MTSS1: variants seen among roughly 807,000 people sequenced by gnomAD.
MTSS1 encodes the protein MTSS I-BAR domain containing 1.
Under a neutral mutation model 79.0 loss-of-function variants are expected in MTSS1, and 18 were observed. That is an observed-to-expected ratio of 0.23 (90% CI 0.16 to 0.34). The LOEUF is 0.34. Among genes scored for constraint, MTSS1 ranks in the 10% least tolerant of loss-of-function variants. MTSS1 has a pLI of 1.00. For missense variants in MTSS1, 815 were observed against 986.2 expected (o/e 0.83, Z 2.33); for synonymous variants, 341 against 368.6 (o/e 0.93, Z 0.86).
At chr8:124,612,805 C>T (rs1373930822) in intron 3 of MTSS1, among the ~76,000 whole-genome samples, 5 of 152,074 alleles carry the variant, frequency 3.3e-5, no homozygotes, top group South Asian at 2.1e-4. Context: ...TGTTGGAAAA[C>T]GAGATTAAAC....
intron 3 of MTSS1, among the ~76,000 whole-genome samples, chr8:124,658,879 C>T (rs1821483385): frequency 6.6e-6 from 1 of 152,214 alleles, no homozygotes; most frequent in African/African-American, 2.4e-5. Flanking sequence ...TAGCCAGCAC[C>T]TCGATCTTGG....
intron 5 of MTSS1, among the ~76,000 whole-genome samples, chr8:124,586,060 TG>T (rs1830810465): frequency 6.6e-6 from 1 of 152,160 alleles, no homozygotes; most frequent in Non-Finnish European, 1.5e-5. Context: ...CCTCCACCAC[TG>T]GCCCATTCGC....
chr8:124,579,578 G>T (rs772318482), intron 6 of MTSS1: 1 of 152,136 alleles, frequency 6.6e-6, no homozygotes. Context: ...CCTTCCAAAG[G>T]TTTACTAGAA....
intron 3 of MTSS1, among the ~76,000 whole-genome samples, chr8:124,605,656 CAGA>C (rs1397721806): frequency 6.6e-6 from 1 of 152,012 alleles, no homozygotes; most frequent in Non-Finnish European, 1.5e-5. Flanking sequence ...CGTTGGAGAT[CAGA>C]ACTCCCTGTG....
intron 3 of MTSS1, among the ~76,000 whole-genome samples, chr8:124,639,051 G>A (rs551680140): frequency 1.3e-5 from 2 of 152,086 alleles, no homozygotes. Flanking sequence ...AGGTATTGGC[G>A]GCCTGGCCCA....
chr8:124,699,706 C>T, intron 2 of MTSS1, 107 bp from the exon 3 acceptor site: 2 of 992,398 alleles, frequency 2.0e-6, no homozygotes, highest in Non-Finnish European at 3.1e-6. Context: ...AACCTTCCTC[C>T]AGAAATAACT....
At chr8:124,607,876 AG>A (rs35995953) in intron 3 of MTSS1, among the ~76,000 whole-genome samples, 4 of 152,068 alleles carry the variant, frequency 2.6e-5, no homozygotes, top group African/African-American at 7.2e-5. Context: ...TCTACAGAAA[AG>A]GGGGGGCTTA....
chr8:124,626,262 T>G (rs981344842), intron 3 of MTSS1, among the ~76,000 whole-genome samples: 10 of 152,218 alleles, frequency 6.6e-5, no homozygotes, highest in African/African-American at 2.2e-4. Context: ...GTCAGTTCTT[T>G]TCTTGGGAAC....
intron 3 of MTSS1, among the ~76,000 whole-genome samples, chr8:124,669,758 A>T (rs1231701866): frequency 2.0e-5 from 3 of 152,172 alleles, no homozygotes; most frequent in African/African-American, 7.2e-5. Flanking sequence ...AAGCAAAGTT[A>T]ATGTTTACTC....
At chr8:124,596,373 T>C (rs1364369802) in intron 3 of MTSS1, among the ~76,000 whole-genome samples, 1 of 152,188 alleles carries the variant, frequency 6.6e-6, no homozygotes, top group Non-Finnish European at 1.5e-5. Flanking sequence ...CATAACCCGA[T>C]TCAACGTGGT....
intron 3 of MTSS1, among the ~76,000 whole-genome samples, chr8:124,628,604 G>A (rs1815222399): frequency 6.6e-6 from 1 of 152,156 alleles, no homozygotes; most frequent in Non-Finnish European, 1.5e-5. Flanking sequence ...AGAGTCAACA[G>A]TTCCAACTCC....
intron 3 of MTSS1, among the ~76,000 whole-genome samples, chr8:124,643,264 T>G (rs1295258517): frequency 3.9e-5 from 6 of 152,140 alleles, no homozygotes; most frequent in African/African-American, 1.4e-4. Flanking sequence ...CAGGAATGCC[T>G]TCTGCAGCAT....
At chr8:124,689,217 T>C (rs774954258) in intron 3 of MTSS1, among the ~76,000 whole-genome samples, 10 of 152,174 alleles carry the variant, frequency 6.6e-5, no homozygotes, top group Non-Finnish European at 1.2e-4. Context: ...CAACTAGCTT[T>C]CACATTTTGT....
chr8:124,570,662 A>G (rs1046886618), intron 6 of MTSS1, among the ~76,000 whole-genome samples: 1 of 152,056 alleles, frequency 6.6e-6, no homozygotes, highest in Non-Finnish European at 1.5e-5. Context: ...AGAAGGGGGA[A>G]CTACTATATA....
At chr8:124,602,207 A>ATATATATACATATATATATATACAC in intron 3 of MTSS1, among the ~76,000 whole-genome samples, 9 of 142,212 alleles carry the variant, frequency 6.3e-5, no homozygotes, top group African/African-American at 2.2e-4. Flanking sequence ...ATATATATAT[A>ATATATATACATATATATATATACAC]ATTTTTTTTT....
At chr8:124,571,948 AG>A (rs1392263486) in intron 6 of MTSS1, among the ~76,000 whole-genome samples, 8 of 152,214 alleles carry the variant, frequency 5.3e-5, no homozygotes, top group Non-Finnish European at 1.0e-4. Context: ...TGGGCGACAG[AG>A]CAAGACTCCA....
At chr8:124,576,726 T>C (rs1829028989) in intron 6 of MTSS1, among the ~76,000 whole-genome samples, 1 of 152,148 alleles carries the variant, frequency 6.6e-6, no homozygotes, top group African/African-American at 2.4e-5. Context: ...GGCTGATGGG[T>C]TGCAACTCAA....
At chr8:124,611,110 C>G (rs938073942) in intron 3 of MTSS1, among the ~76,000 whole-genome samples, 3 of 146,326 alleles carry the variant, frequency 2.1e-5, no homozygotes, top group Non-Finnish European at 4.6e-5. Context: ...AGACAGACCC[C>G]CCCCCCCCAG....
chr8:124,711,881 G>A (rs1232910556), intron 1 of MTSS1, among the ~76,000 whole-genome samples: 2 of 151,988 alleles, frequency 1.3e-5, no homozygotes, highest in African/African-American at 2.4e-5. Context: ...GGTAGCACAC[G>A]TCTGCAATCC....
Sources: gnomAD v4.1 joint callset for allele counts (sites outside exome capture counted in the v4.1 genomes callset) on GRCh38, gnomAD v4.1.1 for gene constraint, MANE v1.5 for transcripts, NCBI Gene and HGNC (gene_info 2026-07-23, HGNC 2026-07-21) for gene names.